The following ERBB4 variants were observed in gnomAD, a reference collection of about 807,000 sequenced individuals.
ERBB4 encodes receptor tyrosine-protein kinase erbB-4.
Under a neutral mutation model 158.0 loss-of-function variants are expected in ERBB4, and 42 were observed. That is an observed-to-expected ratio of 0.27 (90% CI 0.21 to 0.34). The LOEUF is 0.34. ERBB4 is among the 10% of genes least tolerant of loss of function. ERBB4 has a pLI of 1.00. For synonymous variants in ERBB4, 583 were observed against 558.7 expected (o/e 1.04, Z -0.61); for missense variants, 1,333 against 1,624.1 (o/e 0.82, Z 3.08).
At chr2:212,163,218 T>C (rs1454813266) in intron 1 of ERBB4, among the ~76,000 whole-genome samples, 3 of 152,034 alleles carry the variant, frequency 2.0e-5, no homozygotes, top group Non-Finnish European at 4.4e-5. Context: ...TGTGTGTGTA[T>C]GTATATATAC....
chr2:212,420,753 C>T (rs1252508210), intron 1 of ERBB4, among the ~76,000 whole-genome samples: 1 of 152,138 alleles, frequency 6.6e-6, no homozygotes, highest in African/African-American at 2.4e-5. Flanking sequence ...AACATTCAGA[C>T]ATCCTTCATG....
At chr2:211,568,914 A>G (rs150882951) in intron 19 of ERBB4, among the ~76,000 whole-genome samples, 1 of 152,338 alleles carries the variant, frequency 6.6e-6, no homozygotes, top group East Asian at 1.9e-4. Flanking sequence ...GATGGTATGA[A>G]GATAATAAAA....
chr2:212,338,302 C>T (rs1042200948), intron 1 of ERBB4, among the ~76,000 whole-genome samples: 3 of 152,024 alleles, frequency 2.0e-5, no homozygotes, highest in African/African-American at 7.2e-5. Context: ...TCTTCTAAGA[C>T]CCAGCACTAC....
rs572811728 is a variant in ERBB4 at position 212,190,294 on chromosome 2, T to C, written c.83-65391A>G. 2.0e-5 allele frequency among the ~76,000 whole-genome samples: 3 copies of C among 152,274 alleles called. No individual in the cohort carries two copies. The South Asian group carries it at 6.2e-4, about 32-fold the overall frequency. ...GCTCAAGCCTGTAATCCCAGCACTT[T>C]GGGAGGCCAAGGCGGGCGGATCACG... On this transcript the variant is annotated intron_variant, in intron 1 of 27. Coordinates refer to ENST00000342788, the MANE Select transcript of ERBB4 (RefSeq NM_005235.3).
intron 3 of ERBB4, among the ~76,000 whole-genome samples, chr2:211,858,469 C>T (rs775995234): frequency 6.6e-6 from 1 of 152,172 alleles, no homozygotes; most frequent in Non-Finnish European, 1.5e-5. Flanking sequence ...ATAAAGTCCT[C>T]AGCATGGTTT....
At chr2:211,915,453 A>ATC (rs1191010282) in intron 3 of ERBB4, among the ~76,000 whole-genome samples, 2 of 151,156 alleles carry the variant, frequency 1.3e-5, no homozygotes, top group African/African-American at 4.9e-5. Flanking sequence ...ATATATATAT[A>ATC]TATCTCCAAT....
chr2:211,831,212 T>C (rs1445364814), intron 3 of ERBB4, among the ~76,000 whole-genome samples: 2 of 152,040 alleles, frequency 1.3e-5, no homozygotes, highest in East Asian at 1.9e-4. Context: ...TTTCCAAAGG[T>C]TTTTCAAAAT....
intron 12 of ERBB4, among the ~76,000 whole-genome samples, chr2:211,700,408 T>G (rs2073190434): frequency 6.6e-6 from 1 of 152,204 alleles, no homozygotes; most frequent in South Asian, 2.1e-4. Context: ...ATTTCGTGAT[T>G]CTATGTGGAA....
intron 2 of ERBB4, among the ~76,000 whole-genome samples, chr2:212,079,020 T>C (rs2078355823): frequency 6.6e-6 from 1 of 151,362 alleles, no homozygotes; most frequent in Non-Finnish European, 1.5e-5. Flanking sequence ...ATTCCTTTTT[T>C]CTATTTCATT....
intron 20 of ERBB4, among the ~76,000 whole-genome samples, chr2:211,462,038 G>A (rs1327462517): frequency 6.6e-6 from 1 of 152,028 alleles, no homozygotes; most frequent in African/African-American, 2.4e-5. Context: ...CTATTGCACT[G>A]ACTCAATATA....
intron 2 of ERBB4, among the ~76,000 whole-genome samples, chr2:212,071,453 C>T (rs1346536781): frequency 2.0e-5 from 3 of 151,830 alleles, no homozygotes; most frequent in African/African-American, 4.8e-5. Flanking sequence ...AATACATTTA[C>T]AGGGTAATGC....
chr2:212,206,187 G>A (rs2082739107), intron 1 of ERBB4, among the ~76,000 whole-genome samples: 1 of 152,138 alleles, frequency 6.6e-6, no homozygotes, highest in Non-Finnish European at 1.5e-5. Context: ...TTATCTCACA[G>A]CTATCCTGTA....
intron 3 of ERBB4, among the ~76,000 whole-genome samples, chr2:211,926,285 A>T (rs2080020123): frequency 6.6e-6 from 1 of 152,198 alleles, no homozygotes; most frequent in African/African-American, 2.4e-5. Context: ...AATTGTCTCC[A>T]CCACGCCTAC....
At chr2:212,463,618 G>A (rs2888092) in intron 1 of ERBB4, among the ~76,000 whole-genome samples, 61,048 of 151,524 alleles carry the variant, frequency 0.4, 12,646 homozygotes, top group African/African-American at 0.46. Flanking sequence ...AAGAAAAAAA[G>A]CCTCAGAAGA....
chr2:212,271,644 C>T (rs1468680532), intron 1 of ERBB4, among the ~76,000 whole-genome samples: 9 of 151,768 alleles, frequency 5.9e-5, no homozygotes, highest in Non-Finnish European at 1.0e-4. Context: ...GTCAATGTAT[C>T]TTTCTTGTTC....
At chr2:212,489,009 G>A (rs1690127905) in intron 1 of ERBB4, among the ~76,000 whole-genome samples, 2 of 149,190 alleles carry the variant, frequency 1.3e-5, no homozygotes, top group South Asian at 4.3e-4. Context: ...CCCCAAAGAA[G>A]AATTGCATTT....
At chr2:212,229,183 A>G (rs2083580188) in intron 1 of ERBB4, among the ~76,000 whole-genome samples, 1 of 152,226 alleles carries the variant, frequency 6.6e-6, no homozygotes, top group East Asian at 1.9e-4. Context: ...GGAAACCTTA[A>G]CAATAATAGA....
At chr2:211,588,722 T>G (rs910275334) in intron 19 of ERBB4, among the ~76,000 whole-genome samples, 2 of 152,120 alleles carry the variant, frequency 1.3e-5, no homozygotes, top group East Asian at 3.9e-4. Context: ...CATTTTGTCT[T>G]CAGAAACCAT....
At chr2:212,362,499 A>G (rs1002837424) in intron 1 of ERBB4, among the ~76,000 whole-genome samples, 1 of 150,720 alleles carries the variant, frequency 6.6e-6, no homozygotes, top group Non-Finnish European at 1.5e-5. Context: ...GTAAAAAGAA[A>G]AATGTCATGT....
Sources: gnomAD v4.1 joint callset for allele counts (sites outside exome capture counted in the v4.1 genomes callset) on GRCh38, gnomAD v4.1.1 for gene constraint, MANE v1.5 for transcripts, NCBI Gene and HGNC (gene_info 2026-07-23, HGNC 2026-07-21) for gene names.